ATXN1: variants seen among roughly 807,000 people sequenced by gnomAD.
The protein encoded by ATXN1 is ataxin 1, also known as ataxin-1.
Under a neutral mutation model 56.4 loss-of-function variants are expected in ATXN1, and 8 were observed. That is an observed-to-expected ratio of 0.14 (90% CI 0.08 to 0.26). The LOEUF (loss-of-function observed/expected upper bound fraction) is 0.26, where lower values mean the gene tolerates loss of function less well. ATXN1 is among the 10% of genes least tolerant of loss of function. The probability of loss-of-function intolerance (pLI) is 1.00; values close to 1 mark genes in which losing one functional copy is unlikely to be tolerated. For synonymous variants in ATXN1, 514 were observed against 494.6 expected, an observed-to-expected ratio of 1.04 and a Z score of -0.52; for missense variants, 987 against 1,106.5, an observed-to-expected ratio of 0.89 and a Z score of 1.53.
chr6:16,685,281 T>A (rs1758894284), intron 2 of ATXN1, among the ~76,000 whole-genome samples: 1 of 152,184 alleles, frequency 6.6e-6, no homozygotes, highest in East Asian at 1.9e-4. Context: ...ACTTTAAAAA[T>A]GAAGGCTTTT....
intron 6 of ATXN1, among the ~76,000 whole-genome samples, chr6:16,433,818 C>T (rs964914296): frequency 5.3e-5 from 8 of 152,218 alleles, no homozygotes; most frequent in Non-Finnish European, 1.2e-4. Context: ...CAGCTCCGCC[C>T]AGGAGTTCCT....
rs907752181 is a variant in ATXN1, at chr6:16,531,964, T to C, written c.-360-9276A>G. Reference sequence around the variant, plus strand: ...AGAACAGCCAAAGGTTGGCAAACTTTTTCTATAAAGGACCAGGGAGCAAAT... The same window carrying C: ...AGAACAGCCAAAGGTTGGCAAACTTCTTCTATAAAGGACCAGGGAGCAAAT... On this transcript the variant is annotated intron_variant, in intron 4 of 7. Transcript: ENST00000436367. Among the ~76,000 whole-genome samples, 6 of 152,214 alleles carry C rather than the reference T, an allele frequency of 3.9e-5. No homozygotes were observed. In the East Asian group the frequency reaches 1.2e-3, roughly 29 times the overall value.
At chr6:16,739,996 G>C in intron 2 of ATXN1, 1 of 419,290 alleles carries the variant, frequency 2.4e-6, no homozygotes, top group East Asian at 7.2e-5. Context: ...TGACTCCTGG[G>C]GGAAAAGCTG....
intron 6 of ATXN1, among the ~76,000 whole-genome samples, chr6:16,435,341 G>T (rs1759367606): frequency 6.6e-6 from 1 of 152,114 alleles, no homozygotes; most frequent in African/African-American, 2.4e-5. Context: ...GTTTGGATGA[G>T]ATCATCTAGC....
At chr6:16,338,409 C>T (rs1199561823) in intron 6 of ATXN1, among the ~76,000 whole-genome samples, 1 of 152,158 alleles carries the variant, frequency 6.6e-6, no homozygotes, top group Non-Finnish European at 1.5e-5. Flanking sequence ...AGGAGAATCG[C>T]TTGAACCCAG....
At position 16,566,579 on chromosome 6, in the gene ATXN1, C is replaced by A. The variant is rs575621255; in HGVS notation, c.-361+19201G>T. Among the ~76,000 whole-genome samples, 4 of 152,142 alleles carry A rather than the reference C, an allele frequency of 2.6e-5. No homozygotes were observed. In the East Asian group the frequency reaches 7.7e-4, roughly 29 times the overall value. On this transcript the variant is annotated intron_variant, in intron 4 of 7. Coordinates refer to ENST00000436367, the MANE Select transcript of ATXN1 (RefSeq NM_001128164.2). The stretch of plus-strand genomic sequence containing the variant: ...CAAACAAACAAACAAACAGGCTGGG[C>A]GCGGTGGCTCACGACTGTAATCCCA...
chr6:16,371,750 A>AT (rs1487529027), intron 6 of ATXN1, among the ~76,000 whole-genome samples: 2 of 150,746 alleles, frequency 1.3e-5, no homozygotes, highest in African/African-American at 4.9e-5. Flanking sequence ...TTTTATTTTT[A>AT]TTTTTTTCAG....
At chr6:16,471,701 G>A (rs943499079) in intron 6 of ATXN1, among the ~76,000 whole-genome samples, 5 of 151,948 alleles carry the variant, frequency 3.3e-5, no homozygotes, top group African/African-American at 1.2e-4. Context: ...GTGTGTGTGT[G>A]TGTGTGTGTG....
rs149590403 is a variant in ATXN1 at position 16,473,894 on chromosome 6, A to G, written c.-161+12078T>C. ...CTATCCCTGGGTCATCTCTTTGGAA[A>G]CTTCCTGAATTGTCTAGGCTAACGA... On this transcript the variant is annotated intron_variant, in intron 6 of 7. Transcript: ENST00000436367. Among the ~76,000 whole-genome samples the G allele has an allele frequency of 3.9e-3, 595 of 152,168 alleles. 5 individuals are homozygous for G. The highest frequency in any genetic ancestry group is 0.013 in the African/African-American group (533 of 41,526).
At chr6:16,576,686 G>C (rs1448002828) in intron 4 of ATXN1, among the ~76,000 whole-genome samples, 4 of 152,138 alleles carry the variant, frequency 2.6e-5, no homozygotes, top group African/African-American at 7.2e-5. Flanking sequence ...CCATGTAAGA[G>C]AGCATACAGC....
intron 6 of ATXN1, among the ~76,000 whole-genome samples, chr6:16,397,544 C>T (rs1758481718): frequency 6.6e-6 from 1 of 152,122 alleles, no homozygotes; most frequent in African/African-American, 2.4e-5. Flanking sequence ...TGTGCCCGGC[C>T]GCCAGTAGTA....
chr6:16,380,530 G>C (rs1216608558), intron 6 of ATXN1, among the ~76,000 whole-genome samples: 1 of 151,376 alleles, frequency 6.6e-6, no homozygotes, highest in African/African-American at 2.4e-5. Flanking sequence ...ACACATTTCA[G>C]ATGTCAAAAC....
At chr6:16,341,006 A>G (rs898164362) in intron 6 of ATXN1, among the ~76,000 whole-genome samples, 3 of 152,216 alleles carry the variant, frequency 2.0e-5, no homozygotes, top group African/African-American at 7.2e-5. Flanking sequence ...AAAGTGTTGG[A>G]GCAATGGGGG....
chr6:16,677,913 A>G (rs550781242), intron 2 of ATXN1, among the ~76,000 whole-genome samples: 5 of 152,344 alleles, frequency 3.3e-5, no homozygotes, highest in African/African-American at 1.2e-4. Context: ...AAAAAATTAA[A>G]TGGTCATCTG....
At chr6:16,536,011 C>T (rs1403631644) in intron 4 of ATXN1, among the ~76,000 whole-genome samples, 3 of 151,918 alleles carry the variant, frequency 2.0e-5, no homozygotes, top group African/African-American at 4.8e-5. Context: ...AGAAGTTTGA[C>T]ACCAGCCTGG....
chr6:16,563,093 C>T (rs1020662125), intron 4 of ATXN1, among the ~76,000 whole-genome samples: 4 of 151,746 alleles, frequency 2.6e-5, no homozygotes, highest in Non-Finnish European at 4.4e-5. Context: ...ACAGGAGCAA[C>T]GGACAGAATT....
intron 2 of ATXN1, among the ~76,000 whole-genome samples, chr6:16,677,915 G>C (rs753400215): frequency 4.6e-5 from 7 of 152,110 alleles, no homozygotes; most frequent in Non-Finnish European, 7.4e-5. Flanking sequence ...AAAATTAAAT[G>C]GTCATCTGAA....
chr6:16,586,509 G>A (rs1762626905), intron 3 of ATXN1, among the ~76,000 whole-genome samples: 1 of 152,178 alleles, frequency 6.6e-6, no homozygotes, highest in African/African-American at 2.4e-5. Flanking sequence ...TGTGCTAAGG[G>A]CTTTACACAC....
chr6:16,664,244 A>G (rs150553949), intron 2 of ATXN1, among the ~76,000 whole-genome samples: 138 of 152,374 alleles, frequency 9.1e-4, no homozygotes, highest in African/African-American at 3.2e-3. Context: ...AAACAGCTTC[A>G]AAGAGTATAA....
Sources: allele counts gnomAD v4.1 joint callset (sites outside exome capture counted in the v4.1 genomes callset), GRCh38; gene constraint gnomAD v4.1.1; transcripts MANE v1.5; gene names NCBI Gene and HGNC (gene_info 2026-07-23, HGNC 2026-07-21).